Variants in EYS observed in about 807,000 individuals in gnomAD.
EYS encodes the protein protein eyes shut homolog.
Under a neutral mutation model 282.1 loss-of-function variants are expected in EYS, and 250 were observed. The ratio of observed to expected loss-of-function variants is 0.89; its 90% CI spans 0.80 to 0.98. The LOEUF (loss-of-function observed/expected upper bound fraction) is 0.98. EYS is among the 50% of genes least tolerant of loss of function. The pLI is 0.00. For missense variants in EYS, 4,016 were observed against 3,709.0 expected (o/e 1.08, Z -2.15); for synonymous variants, 1,355 against 1,282.9 (o/e 1.06, Z -1.20).
At chr6:65,432,154 G>A (rs945874562) in intron 5 of EYS, among the ~76,000 whole-genome samples, 1 of 152,062 alleles carries the variant, frequency 6.6e-6, no homozygotes, top group African/African-American at 2.4e-5. Flanking sequence ...TATTTTCAGA[G>A]TAAGGGTAAA....
chr6:64,478,972 T>A (rs1028792051), intron 26 of EYS, among the ~76,000 whole-genome samples: 3 of 151,928 alleles, frequency 2.0e-5, no homozygotes, highest in African/African-American at 7.2e-5. Context: ...GCAACCTTGT[T>A]AGATAGTAAT....
intron 1 of EYS, among the ~76,000 whole-genome samples, chr6:65,682,579 T>C (rs191402133): frequency 6.6e-6 from 1 of 152,096 alleles, no homozygotes; most frequent in Non-Finnish European, 1.5e-5. Flanking sequence ...TTTAATACAG[T>C]GTTCAACAAA....
chr6:64,194,618 C>A (rs1765224502), intron 31 of EYS, among the ~76,000 whole-genome samples: 1 of 152,022 alleles, frequency 6.6e-6, no homozygotes, highest in South Asian at 2.1e-4. Flanking sequence ...AGTCAGAAAA[C>A]ATGATCTGTA....
intron 30 of EYS, among the ~76,000 whole-genome samples, chr6:64,272,437 C>T (rs973320680): frequency 6.6e-6 from 1 of 152,140 alleles, no homozygotes; most frequent in African/African-American, 2.4e-5. Context: ...AAATTTAGTG[C>T]TTCCTTCAGG....
At chr6:65,069,484 C>A (rs1773845020) in intron 12 of EYS, among the ~76,000 whole-genome samples, 1 of 151,884 alleles carries the variant, frequency 6.6e-6, no homozygotes, top group African/African-American at 2.4e-5. Context: ...ATCTTTTGGT[C>A]CCCATCTTAC....
Position 64,321,841 on chromosome 6 carries a change from A to G in EYS, c.6079-14759T>C, listed in dbSNP as rs564938616. 1.1e-4 allele frequency among the ~76,000 whole-genome samples: 16 copies of G among 152,068 alleles called. No individual in the cohort carries two copies. In the South Asian group the frequency reaches 3.3e-3, roughly 32 times the overall value. ...ACATGTTAGTCTATAAATATCTTAAATGTGGGACTTTAGCAACTTAGTGAC... is the reference window on the plus strand; with the variant it reads ...ACATGTTAGTCTATAAATATCTTAAGTGTGGGACTTTAGCAACTTAGTGAC... On this transcript the variant is annotated intron_variant, in intron 29 of 42. Transcript: ENST00000503581.
chr6:65,697,089 TTG>T (rs546375797), intron 1 of EYS, among the ~76,000 whole-genome samples: 14 of 151,662 alleles, frequency 9.2e-5, no homozygotes, highest in African/African-American at 2.9e-4. Flanking sequence ...TTTTGTGTGT[TTG>T]TGTGTGTGTG....
chr6:64,131,751 G>A (rs887262106), intron 31 of EYS, among the ~76,000 whole-genome samples: 6 of 152,158 alleles, frequency 3.9e-5, no homozygotes, highest in African/African-American at 1.4e-4. Flanking sequence ...AGATTGAAAA[G>A]CATGGATTCG....
chr6:65,217,950 G>A (rs1330111348), intron 12 of EYS, among the ~76,000 whole-genome samples: 1 of 152,024 alleles, frequency 6.6e-6, no homozygotes, highest in Non-Finnish European at 1.5e-5. Flanking sequence ...TAGAAGCACT[G>A]AGACCAACTA....
intron 12 of EYS, among the ~76,000 whole-genome samples, chr6:65,099,262 G>A (rs553214354): frequency 2.7e-5 from 4 of 150,612 alleles, no homozygotes; most frequent in Admixed American, 6.6e-5. Context: ...AAATGCCTAC[G>A]AAAATAATAA....
rs564126062 is a variant in EYS at position 63,857,663 on chromosome 6, C to G, written c.7228+6523G>C. The G allele has an allele frequency of 5.4e-4, 241 of 449,064 alleles. 3 individuals are homozygous for G. The highest frequency in any genetic ancestry group is 3.9e-3 in the African/African-American group (198 of 50,196). 27.8% of individuals were successfully genotyped at this position (449,064 alleles called of 1,614,324 possible). ...AGCTGGAGACTTGAACTGGATGCTACTCAAGCACTACTTGTTTGCCAATAA... is the reference window on the plus strand; with the variant it reads ...AGCTGGAGACTTGAACTGGATGCTAGTCAAGCACTACTTGTTTGCCAATAA... On this transcript the variant is annotated intron_variant, in intron 36 of 42. Transcript: ENST00000503581.
Position 64,822,577 on chromosome 6 carries a change from TCC to T in EYS, c.3164+72_3164+73del, listed in dbSNP as rs1481246268. 2.3e-5 allele frequency: 27 copies of T among 1,189,506 alleles called. 1 individual carries two copies. In the South Asian group the frequency reaches 3.7e-4, roughly 16 times the overall value. The allele number at this position is 1,189,506 out of a possible 1,614,324, so 73.7% of individuals were successfully genotyped here. The stretch of plus-strand genomic sequence containing the variant: ...TAATTAAAATTATCTTTATCAACTT[TCC>T]CTTGATGTTAAGTCTTAAATATTGT... On this transcript the variant is annotated intron_variant, in intron 20 of 42. Transcript: ENST00000503581.
At chr6:64,711,448 T>C (rs984637731) in intron 22 of EYS, among the ~76,000 whole-genome samples, 2 of 152,228 alleles carry the variant, frequency 1.3e-5, no homozygotes, top group African/African-American at 4.8e-5. Flanking sequence ...TGCAATTCAA[T>C]AGTTTATGTA....
At chr6:64,505,649 G>T (rs1262600500) in intron 26 of EYS, among the ~76,000 whole-genome samples, 2 of 152,076 alleles carry the variant, frequency 1.3e-5, no homozygotes, top group Non-Finnish European at 2.9e-5. Context: ...GCATTGAGTT[G>T]TCATGTACAG....
In EYS at chr6:64,790,954, G is replaced by T. The variant is rs780755455; in HGVS notation, c.3443+22424C>A. On this transcript the variant is annotated intron_variant, in intron 22 of 42. Coordinates refer to ENST00000503581, the MANE Select transcript of EYS (RefSeq NM_001142800.2). ...AACATCTTTCAAATTATACTTTAGA[G>T]TTCATTTGCAAAATTATGAACAATG... Among the ~76,000 whole-genome samples the T allele has an allele frequency of 2.6e-5, 4 of 151,804 alleles. No individual in the cohort carries two copies. In the South Asian group the frequency reaches 8.3e-4, roughly 31 times the overall value.
intron 2 of EYS, among the ~76,000 whole-genome samples, chr6:65,514,330 G>A (rs1233684821): frequency 3.3e-5 from 5 of 152,146 alleles, no homozygotes; most frequent in East Asian, 1.9e-4. Context: ...TTTATGGGTA[G>A]GAAGAATCAA....
At chr6:64,040,420 T>C (rs1194396354) in intron 33 of EYS, among the ~76,000 whole-genome samples, 3 of 152,202 alleles carry the variant, frequency 2.0e-5, no homozygotes, top group Non-Finnish European at 4.4e-5. Context: ...CTGAAAATAA[T>C]CAATCTTGTG....
intron 2 of EYS, among the ~76,000 whole-genome samples, chr6:65,558,117 CCTT>C (rs1472536509): frequency 3.9e-5 from 6 of 152,178 alleles, no homozygotes; most frequent in Non-Finnish European, 5.9e-5. Context: ...TCACTGGGGA[CCTT>C]CTTTCCTGCC....
intron 42 of EYS, among the ~76,000 whole-genome samples, chr6:63,723,881 G>C (rs1409793083): frequency 6.6e-6 from 1 of 151,116 alleles, no homozygotes; most frequent in East Asian, 1.9e-4. Flanking sequence ...GAGTGCAATG[G>C]TGCAATCTCG....
Sources: allele counts gnomAD v4.1 joint callset (sites outside exome capture counted in the v4.1 genomes callset), GRCh38; gene constraint gnomAD v4.1.1; transcripts MANE v1.5; gene names NCBI Gene and HGNC (gene_info 2026-07-23, HGNC 2026-07-21).